TPTE: variants seen among roughly 807,000 people sequenced by gnomAD.
TPTE encodes transmembrane phosphatase with tensin homology.
A neutral mutation model predicts 84.1 loss-of-function variants in TPTE; 59 were observed. The observed-to-expected ratio is 0.70, with a 90% CI of 0.57 to 0.87. TPTE has a LOEUF of 0.87. Ranked by LOEUF, TPTE falls within the 40% of genes least tolerant of loss-of-function variation. TPTE has a pLI of 0.00. For missense variants in TPTE, 382 were observed against 659.6 expected, an observed-to-expected ratio of 0.58 and a Z score of 4.61; for synonymous variants, 130 against 223.5, an observed-to-expected ratio of 0.58 and a Z score of 3.73.
chr21:10,526,648 T>G (rs886690848), intron 2 of TPTE, among the ~76,000 whole-genome samples: 2 of 152,302 alleles, frequency 1.3e-5, no homozygotes, highest in African/African-American at 4.8e-5. Context: ...GTGTATTACC[T>G]TGATGAGAAT....
At chr21:10,593,855 C>A (rs1267364222) in intron 19 of TPTE, among the ~76,000 whole-genome samples, 1 of 152,296 alleles carries the variant, frequency 6.6e-6, no homozygotes, top group African/African-American at 2.4e-5. Context: ...GTGGTGGGAG[C>A]TGAGTAGAAG....
At chr21:10,526,335 T>C (rs469947) in intron 2 of TPTE, among the ~76,000 whole-genome samples, 28,564 of 144,828 alleles carry the variant, frequency 0.2, 53 homozygotes, top group African/African-American at 0.44. Context: ...TATTAATGTC[T>C]ATCTGTGCTT....
chr21:10,601,751 G>A (rs112327830), intron 21 of TPTE, among the ~76,000 whole-genome samples: 4,689 of 138,556 alleles, frequency 0.034, no homozygotes, highest in East Asian at 0.1. Flanking sequence ...TACTTGGGAG[G>A]CTGAGGCACA....
chr21:10,529,999 A>C (rs1247569517), intron 3 of TPTE, among the ~76,000 whole-genome samples: 1 of 151,966 alleles, frequency 6.6e-6, no homozygotes, highest in Non-Finnish European at 1.5e-5. Context: ...CTATTTGTTC[A>C]CTATTACTAT....
At chr21:10,556,528 C>T (rs1475851226) in intron 8 of TPTE, among the ~76,000 whole-genome samples, 3 of 152,312 alleles carry the variant, frequency 2.0e-5, no homozygotes, top group African/African-American at 7.2e-5. Context: ...TTTATAGCAG[C>T]ATGATTTATA....
chr21:10,590,271 GC>G (rs1218404888), intron 17 of TPTE, among the ~76,000 whole-genome samples, 190 bp from the exon 18 acceptor site: 7 of 152,308 alleles, frequency 4.6e-5, no homozygotes, highest in African/African-American at 1.7e-4. Flanking sequence ...AATGTAATTT[GC>G]CTATTTTTCA....
intron 3 of TPTE, among the ~76,000 whole-genome samples, chr21:10,536,690 A>C (rs1193649645): frequency 6.6e-6 from 1 of 152,308 alleles, no homozygotes; most frequent in Admixed American, 6.5e-5. Context: ...TACACTGTTT[A>C]TAAACCTCCT....
chr21:10,523,868 G>A (rs540982159), intron 1 of TPTE, among the ~76,000 whole-genome samples: 7 of 152,412 alleles, frequency 4.6e-5, no homozygotes, highest in South Asian at 2.1e-4. Flanking sequence ...CTGAGGAATC[G>A]CCACACTGAC....
rs1363305681 is a variant in TPTE, at chr21:10,559,560, A to G, written c.284+16A>G. ...TTGCATTTGGGTATGTGAGACATAG[A>G]AAACACCATGTATTAAATATATCTG... On this transcript the variant is annotated intron_variant, in intron 9 of 23. Transcript: ENST00000618007. 1 of 1,612,054 alleles carries G rather than the reference A, an allele frequency of 6.2e-7. No individual in the cohort carries two copies. The highest frequency in any genetic ancestry group is 1.7e-5 in the Admixed American group (1 of 60,026).
intron 1 of TPTE, among the ~76,000 whole-genome samples, chr21:10,522,988 G>A (rs1322043970): frequency 6.6e-6 from 1 of 152,312 alleles, no homozygotes; most frequent in Non-Finnish European, 1.5e-5. Context: ...ATGCCCCCAA[G>A]TCCTATCAAC....
intron 2 of TPTE, among the ~76,000 whole-genome samples, chr21:10,525,408 A>C (rs1241246255): frequency 1.3e-5 from 2 of 152,306 alleles, no homozygotes; most frequent in Non-Finnish European, 2.9e-5. Flanking sequence ...AACGTTTAGG[A>C]AGATTTTGGC....
chr21:10,523,565 C>T (rs904120467), intron 1 of TPTE, among the ~76,000 whole-genome samples: 5 of 152,266 alleles, frequency 3.3e-5, no homozygotes, highest in African/African-American at 1.2e-4. Context: ...GTTTTTTGTT[C>T]TTGCGATAGT....
chr21:10,574,469 T>C (rs1385611815), intron 14 of TPTE, among the ~76,000 whole-genome samples: 1 of 152,300 alleles, frequency 6.6e-6, no homozygotes, highest in African/African-American at 2.4e-5. Flanking sequence ...AATTAAGAAC[T>C]AGGGCTAAAA....
At chr21:10,564,504 A>G (rs2074875300) in intron 10 of TPTE, among the ~76,000 whole-genome samples, 2 of 152,310 alleles carry the variant, frequency 1.3e-5, no homozygotes, top group Admixed American at 6.5e-5. Flanking sequence ...AGTGAGATTC[A>G]GTCTCAAAAA....
chr21:10,540,573 A>G (rs2074350536), intron 4 of TPTE, among the ~76,000 whole-genome samples: 1 of 152,312 alleles, frequency 6.6e-6, no homozygotes, highest in Non-Finnish European at 1.5e-5. Context: ...GCCAAAACAA[A>G]GAACAGAGCT....
intron 3 of TPTE, among the ~76,000 whole-genome samples, chr21:10,531,115 A>C (rs1253499390): frequency 6.6e-6 from 1 of 152,310 alleles, no homozygotes; most frequent in Non-Finnish European, 1.5e-5. Context: ...ATTATGTTAC[A>C]TCTGTAAACA....
At chr21:10,572,439 G>A (rs201208586) in intron 14 of TPTE, among the ~76,000 whole-genome samples, 1,879 of 138,398 alleles carry the variant, frequency 0.014, no homozygotes, top group East Asian at 0.13. Flanking sequence ...GTGACAGAGC[G>A]AGACTGTATC....
chr21:10,523,926 T>C (rs896112691), intron 1 of TPTE, among the ~76,000 whole-genome samples: 3 of 152,298 alleles, frequency 2.0e-5, no homozygotes, highest in Non-Finnish European at 4.4e-5. Flanking sequence ...AGTGTAAAAG[T>C]GTTCCTATTT....
At chr21:10,556,998 G>T (rs187333665) in intron 8 of TPTE, among the ~76,000 whole-genome samples, 2 of 152,424 alleles carry the variant, frequency 1.3e-5, no homozygotes, top group Admixed American at 6.5e-5. Flanking sequence ...TAGGTTGCCT[G>T]TTCACTCTGA....
Sources: gnomAD v4.1 joint callset for allele counts (sites outside exome capture counted in the v4.1 genomes callset) on GRCh38, gnomAD v4.1.1 for gene constraint, MANE v1.5 for transcripts, NCBI Gene and HGNC (gene_info 2026-07-23, HGNC 2026-07-21) for gene names.